LY96: variants seen among roughly 807,000 people sequenced by gnomAD.
LY96 encodes the protein myeloid differentiation protein-2.
In LY96, 18 loss-of-function variants were observed where a neutral mutation model predicts 18.9. The ratio of observed to expected loss-of-function variants is 0.95; its 90% CI spans 0.66 to 1.41. LY96 has a LOEUF of 1.41. Among genes scored for constraint, LY96 ranks in the 40% most tolerant of loss-of-function variants. The pLI, the probability that LY96 is intolerant of heterozygous loss-of-function variation, is 0.00. For synonymous variants in LY96, 66 were observed against 62.6 expected, an observed-to-expected ratio of 1.06 and a Z score of -0.26; for missense variants, 175 against 182.4, an observed-to-expected ratio of 0.96 and a Z score of 0.23.
the LY96 span, chr8:74,052,430 A>G: frequency 6.6e-6 from 1 of 152,200 alleles, no homozygotes; most frequent in African/African-American, 2.4e-5. Flanking sequence ...TCTTTTCCTC[A>G]TCTAATATAG....
chr8:74,069,724 T>C, the LY96 span, among the ~76,000 whole-genome samples: 2 of 152,170 alleles, frequency 1.3e-5, no homozygotes, highest in South Asian at 4.1e-4. Flanking sequence ...CCTCTCAGCC[T>C]CCTGAGTAGC....
chr8:74,029,496 C>T (rs767358716), downstream of LY96, among the ~76,000 whole-genome samples: 8 of 152,100 alleles, frequency 5.3e-5, no homozygotes, highest in Non-Finnish European at 1.0e-4. Context: ...CTCATGAGAT[C>T]TGATGGTTTT....
chr8:74,076,320 C>T, the LY96 span, among the ~76,000 whole-genome samples: 1 of 151,384 alleles, frequency 6.6e-6, no homozygotes, highest in African/African-American at 2.4e-5. Context: ...AACAAACAAC[C>T]AAGACACTTT....
chr8:74,042,640 A>G, the LY96 span, among the ~76,000 whole-genome samples: 1 of 152,198 alleles, frequency 6.6e-6, no homozygotes, highest in Non-Finnish European at 1.5e-5. Flanking sequence ...TGAGTGCTGG[A>G]ATCTTGTAGA....
the LY96 span, among the ~76,000 whole-genome samples, chr8:74,091,583 A>T: frequency 6.6e-6 from 1 of 152,218 alleles, no homozygotes; most frequent in African/African-American, 2.4e-5. Flanking sequence ...CTCTCCTGAA[A>T]TGGAAGGCCT....
chr8:74,049,075 C>T, the LY96 span, among the ~76,000 whole-genome samples: 1 of 152,162 alleles, frequency 6.6e-6, no homozygotes, highest in African/African-American at 2.4e-5. Flanking sequence ...GAACGCCCAG[C>T]TTAGATTAAT....
intron 1 of LY96, among the ~76,000 whole-genome samples, chr8:74,001,978 C>A (rs549887157): frequency 7.9e-6 from 1 of 126,116 alleles, no homozygotes; most frequent in East Asian, 2.6e-4. Flanking sequence ...TTCCTTCCTT[C>A]CCTCCCTCCC....
intron 3 of LY96, among the ~76,000 whole-genome samples, chr8:74,021,007 T>C (rs934786615): frequency 6.6e-6 from 1 of 152,210 alleles, no homozygotes; most frequent in Non-Finnish European, 1.5e-5. Flanking sequence ...GACATAGGCA[T>C]GGGCAAGGAC....
At chr8:74,008,382 T>G (rs1816459429) in intron 2 of LY96, among the ~76,000 whole-genome samples, 1 of 152,202 alleles carries the variant, frequency 6.6e-6, no homozygotes, top group African/African-American at 2.4e-5. Context: ...GTCTTTCAAC[T>G]TCTACACACA....
At chr8:74,095,012 T>C in the LY96 span, among the ~76,000 whole-genome samples, 1 of 152,200 alleles carries the variant, frequency 6.6e-6, no homozygotes, top group Admixed American at 6.5e-5. Context: ...CTGGCCTCTG[T>C]GGGCTGAATA....
At chr8:74,092,576 A>G in the LY96 span, among the ~76,000 whole-genome samples, 2 of 152,238 alleles carry the variant, frequency 1.3e-5, no homozygotes, top group East Asian at 3.9e-4. Context: ...AGCACTGACA[A>G]CACTTGGACA....
chr8:74,024,035 A>T (rs925257825), intron 3 of LY96, among the ~76,000 whole-genome samples: 6 of 152,164 alleles, frequency 3.9e-5, no homozygotes, highest in South Asian at 2.1e-4. Flanking sequence ...CTGGGCCTTG[A>T]AAATTATGTA....
the LY96 span, among the ~76,000 whole-genome samples, chr8:74,071,246 G>A: frequency 3.0e-4 from 44 of 148,594 alleles, 1 homozygote; most frequent in Non-Finnish European, 5.2e-4. Context: ...TGTCTTACAA[G>A]GACTTTTTTT....
the LY96 span, among the ~76,000 whole-genome samples, chr8:74,095,887 G>C: frequency 6.6e-6 from 1 of 152,122 alleles, no homozygotes; most frequent in African/African-American, 2.4e-5. Context: ...CAGACTCACA[G>C]AGCCAACCAT....
downstream of LY96, among the ~76,000 whole-genome samples, chr8:74,032,073 C>T (rs552651603): frequency 2.6e-4 from 39 of 152,016 alleles, no homozygotes; most frequent in African/African-American, 6.0e-4. Flanking sequence ...TGCAGTGAGC[C>T]GAAATTGTGC....
At chr8:74,049,252 G>A in the LY96 span, among the ~76,000 whole-genome samples, 1 of 152,158 alleles carries the variant, frequency 6.6e-6, no homozygotes, top group Non-Finnish European at 1.5e-5. Context: ...GAATGGATCA[G>A]GTCCCTCCCT....
the LY96 span, among the ~76,000 whole-genome samples, chr8:74,091,828 C>T: frequency 6.6e-6 from 1 of 152,178 alleles, no homozygotes; most frequent in South Asian, 2.1e-4. Flanking sequence ...GTCCTTCCTT[C>T]AAACCCTTCG....
chr8:74,003,031 A>C (rs1167100192), intron 1 of LY96, among the ~76,000 whole-genome samples: 2 of 152,158 alleles, frequency 1.3e-5, no homozygotes, highest in Admixed American at 6.5e-5. Flanking sequence ...TCATTTCCTT[A>C]GTGTAAGTGA....
the LY96 span, among the ~76,000 whole-genome samples, chr8:74,070,834 A>G: frequency 1.3e-5 from 2 of 152,164 alleles, no homozygotes; most frequent in Admixed American, 1.3e-4. Flanking sequence ...CATTTTATGG[A>G]TACATTTTTT....
Sources: allele counts gnomAD v4.1 joint callset (sites outside exome capture counted in the v4.1 genomes callset), GRCh38; gene constraint gnomAD v4.1.1; transcripts MANE v1.5; gene names NCBI Gene and HGNC (gene_info 2026-07-23, HGNC 2026-07-21).